The following PCDHGA5 variants were observed in gnomAD, a reference collection of about 807,000 sequenced individuals.
PCDHGA5 encodes the protein protocadherin gamma subfamily A, 5, also known as protocadherin gamma-A5.
In PCDHGA5, 36 loss-of-function variants were observed where a neutral mutation model predicts 56.7. The ratio of observed to expected loss-of-function variants is 0.64; its 90% CI spans 0.49 to 0.84. The LOEUF (loss-of-function observed/expected upper bound fraction) is 0.84, where lower values mean the gene tolerates loss of function less well. PCDHGA5 is among the 40% of genes least tolerant of loss of function. PCDHGA5 has a pLI of 0.00. For missense variants in PCDHGA5, 1,305 were observed against 1,201.5 expected, an observed-to-expected ratio of 1.09 and a Z score of -1.27; for synonymous variants, 563 against 520.2, an observed-to-expected ratio of 1.08 and a Z score of -1.12.
chr5:141,370,322 C>G, intron 1 of PCDHGA5: 6 of 1,366,842 alleles, frequency 4.4e-6, no homozygotes, highest in Non-Finnish European at 5.0e-6. Flanking sequence ...GTTGGTCCTG[C>G]TCGGAGAACT....
chr5:141,392,688 C>T (rs1009459106), intron 1 of PCDHGA5: 2 of 1,113,934 alleles, frequency 1.8e-6, no homozygotes, highest in Non-Finnish European at 2.5e-6. Flanking sequence ...GCAGCGAAAC[C>T]CGACCCCTGT....
chr5:141,478,718 C>T, intron 1 of PCDHGA5: 1 of 1,544,994 alleles, frequency 6.5e-7, no homozygotes, highest in East Asian at 2.4e-5. Context: ...AGATGGTGGC[C>T]TGCCAGAGTG....
In PCDHGA5 at chr5:141,491,893, G is replaced by A; in HGVS notation, c.2422-2914G>A. The stretch of plus-strand genomic sequence containing the variant: ...GGCCGATTAAGGGATGGGGCTCCGA[G>A]CACCGGGGGTGGTGGCGACTGTGGG... On this transcript the variant is annotated intron_variant, in intron 1 of 3. Transcript: ENST00000518069. This position sits in a 1 kb window ranked among gnomAD's most constrained non-coding sequence, Gnocchi z 6.9. 9 of 1,438,856 alleles carry A rather than the reference G, an allele frequency of 6.3e-6. No individual in the cohort carries two copies. Among genetic ancestry groups the A allele is most frequent in the Non-Finnish European group, 8.3e-6 (9 of 1,088,104 alleles). 89.1% of individuals were successfully genotyped at this position (1,438,856 alleles called of 1,614,324 possible). A position where few individuals can be genotyped will look rare whatever the true frequency, so the allele number is the denominator to read the frequency against.
chr5:141,378,321 G>C (rs1295221856), intron 1 of PCDHGA5: 1 of 152,218 alleles, frequency 6.6e-6, no homozygotes, highest in African/African-American at 2.4e-5. Context: ...TCAGGAGTTC[G>C]AGACCAGCCT....
chr5:141,511,711 T>G lies in PCDHGA5; in HGVS notation c.*538T>G. 1 of 185,916 alleles carries G rather than the reference T, an allele frequency of 5.4e-6. No individual in the cohort carries two copies. Among genetic ancestry groups the G allele is most frequent in the South Asian group, 1.1e-4 (1 of 8,818 alleles). The allele number at this position is 185,916 out of a possible 1,614,324, so 11.5% of individuals were successfully genotyped here. A position where few individuals can be genotyped will look rare whatever the true frequency, so the allele number is the denominator to read the frequency against. Reference sequence around the variant, plus strand: ...GTTTGGTGCCAGCCCCTTCACCTCCTTCCAGAGCCCAAGATCAATGCTCAA... The same window carrying G: ...GTTTGGTGCCAGCCCCTTCACCTCCGTCCAGAGCCCAAGATCAATGCTCAA... On this transcript the variant is annotated 3_prime_UTR_variant, in exon 4 of 4. Transcript: ENST00000518069.
At chr5:141,420,214 C>G (rs1356792048) in intron 1 of PCDHGA5, 1 of 1,611,064 alleles carries the variant, frequency 6.2e-7, no homozygotes, top group Admixed American at 1.7e-5. Context: ...ACAAAGATAG[C>G]ATGCTACTGG....
chr5:141,426,691 G>A, intron 1 of PCDHGA5: 1 of 435,886 alleles, frequency 2.3e-6, no homozygotes, highest in South Asian at 1.6e-5. Context: ...CCCCAAAATA[G>A]CATTGTTTTA....
Position 141,364,990 on chromosome 5 carries a change from G to T in PCDHGA5, c.660G>T (p.Pro220=). The change falls in exon 1 of 4, where the codon CCG becomes CCT. Residue 220 remains proline, a synonymous_variant. Coordinates refer to ENST00000518069, the MANE Select transcript of PCDHGA5 (RefSeq NM_018918.3). ...LLLTALDGGD[P]VLSGTTHIRV... is the part of the protein sequence containing the mutation. ...TCACAGCTTTAGATGGCGGAGACCC[G>T]GTACTCTCCGGCACCACGCACATCC... The T allele has an allele frequency of 6.2e-7, 1 of 1,613,862 alleles. No homozygotes were observed. Among genetic ancestry groups the T allele is most frequent in the South Asian group, 1.1e-5 (1 of 91,086 alleles).
At chr5:141,398,759 T>A (rs1313274991) in intron 1 of PCDHGA5, 2 of 1,613,904 alleles carry the variant, frequency 1.2e-6, no homozygotes, top group Non-Finnish European at 1.7e-6. Context: ...CATCGTTTAG[T>A]CCTGACTGCC....
In PCDHGA5 at chr5:141,408,857, G is replaced by T. The variant is rs372861749; in HGVS notation, c.2421+42106G>T. 1.9e-5 allele frequency: 30 copies of T among 1,613,424 alleles called. No homozygotes were observed. Among genetic ancestry groups the T allele is most frequent in the Non-Finnish European group, 2.5e-5 (29 of 1,179,810 alleles). ...GATATTGACTGCCTTGGACGGAGGG[G>T]ACCCACCAAGAAGTGCCACCGCTCA... On this transcript the variant is annotated intron_variant, in intron 1 of 3. Coordinates refer to ENST00000518069, the MANE Select transcript of PCDHGA5 (RefSeq NM_018918.3).
At chr5:141,428,312 C>A in intron 1 of PCDHGA5, 1 of 671,484 alleles carries the variant, frequency 1.5e-6, no homozygotes, top group Non-Finnish European at 2.7e-6. Flanking sequence ...CTGGTCGTGG[C>A]CTTGGCCTTG....
At chr5:141,494,922 C>T (rs1401836511) in intron 2 of PCDHGA5, 57 bp downstream of exon 2, 23 of 1,613,670 alleles carry the variant, frequency 1.4e-5, no homozygotes, top group Non-Finnish European at 1.9e-5. Flanking sequence ...TCAGGGATGA[C>T]GTGGGAGGAG....
rs773174763 is a variant in PCDHGA5 at position 141,477,409 on chromosome 5, C to T, written c.2422-17398C>T. The T allele has an allele frequency of 1.4e-5, 22 of 1,614,058 alleles. No homozygotes were observed. The highest frequency in any genetic ancestry group is 1.7e-5 in the Admixed American group (1 of 60,006). On this transcript the variant is annotated intron_variant, in intron 1 of 3. Transcript: ENST00000518069. This position sits in a 1 kb window ranked among gnomAD's most constrained non-coding sequence, Gnocchi z 4.9. ...ACAACCTCAGCATCACCGCCCGAGA[C>T]GCCGGAACCCCTTCCCTCTCAGCCC...
At chr5:141,417,460 A>G (rs1160577617) in intron 1 of PCDHGA5, 1 of 180,404 alleles carries the variant, frequency 5.5e-6, no homozygotes, top group Non-Finnish European at 1.1e-5. Flanking sequence ...GACCAAGTGG[A>G]AATATATTTC....
chr5:141,418,391 T>G, intron 1 of PCDHGA5: 1 of 1,614,010 alleles, frequency 6.2e-7, no homozygotes, highest in Non-Finnish European at 8.5e-7. Context: ...TAACGAGTAT[T>G]TCTCATTGGT....
At chr5:141,421,913 T>C in intron 1 of PCDHGA5, 1 of 1,613,710 alleles carries the variant, frequency 6.2e-7, no homozygotes, top group Non-Finnish European at 8.5e-7. Context: ...GCAGTTCCCA[T>C]TCGTGTGGTG....
At position 141,512,630 on chromosome 5, in the gene PCDHGA5, G is replaced by C. The variant is rs1335322474; in HGVS notation, c.*1457G>C. On this transcript the variant is annotated 3_prime_UTR_variant, in exon 4 of 4. Transcript: ENST00000518069. ...GGGGCTGCCAGAGAACCCCAGACCT[G>C]CCCTTACAGTAGTGTAGCGCCCCCT... The C allele has an allele frequency of 6.5e-6, 1 of 152,888 alleles. No individual in the cohort carries two copies. Among genetic ancestry groups the C allele is most frequent in the Non-Finnish European group, 1.5e-5 (1 of 68,576 alleles). 9.5% of individuals were successfully genotyped at this position (152,888 alleles called of 1,614,324 possible).
chr5:141,364,734 A>T lies in PCDHGA5; in HGVS notation c.404A>T (p.Asp135Val). 1 of 1,613,934 alleles carries T rather than the reference A, an allele frequency of 6.2e-7. No individual in the cohort carries two copies. Among genetic ancestry groups the T allele is most frequent in the Non-Finnish European group, 8.5e-7 (1 of 1,179,860 alleles). The change falls in exon 1 of 4, where the codon GAT (aspartate) becomes GTT (valine). Residue 135 changes from aspartate to valine, a missense_variant. Physicochemically the swap from Asp to Val is radical, Grantham distance 152. Transcript: ENST00000518069. ...AATGATAACTTCCCGCGTTTCCGGG[A>T]TGAAGAGTTAAAAGTAAAAGTTAAT... ...DINDNFPRFR[D>V]EELKVKVNEN...
chr5:141,381,016 C>G (rs961179270), intron 1 of PCDHGA5, among the ~76,000 whole-genome samples: 1 of 152,210 alleles, frequency 6.6e-6, no homozygotes, highest in African/African-American at 2.4e-5. Flanking sequence ...TATAATACCT[C>G]TATTAGTTCC....
Sources: gnomAD v4.1 joint callset for allele counts (sites outside exome capture counted in the v4.1 genomes callset) on GRCh38, gnomAD v4.1.1 for gene constraint, Gnocchi (gnomAD v3.1) non-coding constraint, MANE v1.5 for transcripts, NCBI Gene and HGNC (gene_info 2026-07-23, HGNC 2026-07-21) for gene names.